Variants in ADGRL4 observed in about 807,000 individuals in gnomAD.
ADGRL4 encodes the protein EGF, latrophilin and seven transmembrane domain containing 1.
In ADGRL4, 90 loss-of-function variants were observed where a neutral mutation model predicts 74.8. The ratio of observed to expected loss-of-function variants is 1.20; its 90% CI spans 1.02 to 1.43. The LOEUF (loss-of-function observed/expected upper bound fraction) is 1.43. ADGRL4 is among the 40% of genes most tolerant of loss of function. The pLI is 0.00. For synonymous variants in ADGRL4, 311 were observed against 279.2 expected, an observed-to-expected ratio of 1.11 and a Z score of -1.14; for missense variants, 881 against 814.3, an observed-to-expected ratio of 1.08 and a Z score of -1.00.
intron 2 of ADGRL4, among the ~76,000 whole-genome samples, chr1:78,964,523 T>A (rs1033096077): frequency 1.3e-5 from 2 of 152,212 alleles, no homozygotes; most frequent in African/African-American, 4.8e-5. Context: ...GTTCCTACTA[T>A]CTACTTAAAA....
intron 3 of ADGRL4, 101 bp downstream of exon 3, chr1:78,946,173 C>T (rs572715866): frequency 1.2e-4 from 95 of 810,454 alleles, no homozygotes; most frequent in South Asian, 7.1e-4. Context: ...ACGTAGGGTA[C>T]GATCAAGGTC....
chr1:78,946,168 G>A, intron 3 of ADGRL4, 106 bp downstream of exon 3: 1 of 713,922 alleles, frequency 1.4e-6, no homozygotes, highest in Non-Finnish European at 2.1e-6. Flanking sequence ...TTAACACGTA[G>A]GGTACGATCA....
At chr1:78,981,209 A>G (rs527930067) in intron 2 of ADGRL4, among the ~76,000 whole-genome samples, 10 of 152,094 alleles carry the variant, frequency 6.6e-5, no homozygotes, top group African/African-American at 2.2e-4. Context: ...GAGACAGAAG[A>G]AAAATATCAA....
At chr1:78,912,605 C>T (rs1289442511) in intron 12 of ADGRL4, among the ~76,000 whole-genome samples, 1 of 151,702 alleles carries the variant, frequency 6.6e-6, no homozygotes. Flanking sequence ...GTCCCTGGTG[C>T]CAAAAAGTTG....
intron 2 of ADGRL4, among the ~76,000 whole-genome samples, chr1:78,957,036 G>A (rs992236729): frequency 7.2e-5 from 11 of 152,092 alleles, no homozygotes; most frequent in Admixed American, 6.6e-5. Flanking sequence ...ATTGCAATAT[G>A]TGATTAGTGT....
In ADGRL4 at chr1:78,891,518, G is replaced by A. The variant is rs762885058; in HGVS notation, c.2010+6C>T. ...CTAGGAACCACCAAAATAAGAAATT[G>A]TTTACCTTTCTAGATAAAACACACA... On this transcript the variant is annotated splice_donor_region_variant and intron_variant, in intron 14 of 14. Transcript: ENST00000370742. 2 of 1,609,024 alleles carry A rather than the reference G, an allele frequency of 1.2e-6. No individual in the cohort carries two copies. The highest frequency in any genetic ancestry group is 1.7e-6 in the Non-Finnish European group (2 of 1,178,260).
rs943244747 is a variant in ADGRL4, at chr1:78,890,430, A to G, written c.*724T>C. ...TGAAATAAGTAAGGAAATAGTATATATCTCAGTCTAACCTTAGAAACAGAT... is the reference window on the plus strand; with the variant it reads ...TGAAATAAGTAAGGAAATAGTATATGTCTCAGTCTAACCTTAGAAACAGAT... On this transcript the variant is annotated 3_prime_UTR_variant, in exon 15 of 15. Coordinates refer to ENST00000370742, the MANE Select transcript of ADGRL4 (RefSeq NM_022159.4). 1 of 151,694 alleles carries G rather than the reference A, an allele frequency of 6.6e-6. No homozygotes were observed. The highest frequency in any genetic ancestry group is 2.4e-5 in the African/African-American group (1 of 41,348). 9.4% of individuals were successfully genotyped at this position (151,694 alleles called of 1,614,324 possible). A position where few individuals can be genotyped will look rare whatever the true frequency, so the allele number is the denominator to read the frequency against.
intron 2 of ADGRL4, among the ~76,000 whole-genome samples, chr1:78,987,324 A>C (rs1371304949): frequency 2.6e-5 from 4 of 151,848 alleles, no homozygotes. Flanking sequence ...CATATAGGTA[A>C]AAATGGTAAC....
intron 13 of ADGRL4, 144 bp downstream of exon 13, chr1:78,892,954 G>A (rs961940937): frequency 1.7e-6 from 1 of 579,862 alleles, no homozygotes; most frequent in Non-Finnish European, 2.9e-6. Context: ...CATACTAAAT[G>A]CTATTTTCCG....
intron 2 of ADGRL4, among the ~76,000 whole-genome samples, chr1:78,984,022 G>C (rs1224935690): frequency 2.6e-5 from 4 of 151,618 alleles, no homozygotes; most frequent in African/African-American, 9.7e-5. Context: ...TAAACATGAA[G>C]GAATGACAAG....
intron 4 of ADGRL4, among the ~76,000 whole-genome samples, chr1:78,938,770 C>G (rs1161862935): frequency 6.6e-6 from 1 of 152,038 alleles, no homozygotes; most frequent in Non-Finnish European, 1.5e-5. Flanking sequence ...CATTTTCAAT[C>G]ATACGACAAT....
At chr1:78,974,448 A>T (rs777296684) in intron 2 of ADGRL4, among the ~76,000 whole-genome samples, 2 of 152,226 alleles carry the variant, frequency 1.3e-5, no homozygotes, top group Non-Finnish European at 2.9e-5. Flanking sequence ...ATGGAAATGT[A>T]CACAAATGAC....
At chr1:78,898,511 AT>A (rs553905904) in intron 12 of ADGRL4, among the ~76,000 whole-genome samples, 17,955 of 144,456 alleles carry the variant, frequency 0.12, 1,143 homozygotes, top group Middle Eastern at 0.17. Flanking sequence ...CTTTTGTCTC[AT>A]TTTTTTTTTT....
At chr1:78,994,394 A>G (rs1374899661) in intron 2 of ADGRL4, among the ~76,000 whole-genome samples, 1 of 152,156 alleles carries the variant, frequency 6.6e-6, no homozygotes, top group Non-Finnish European at 1.5e-5. Flanking sequence ...CAATAAATTC[A>G]GCATAGGTAA....
intron 2 of ADGRL4, among the ~76,000 whole-genome samples, chr1:78,971,282 T>A (rs1374365056): frequency 2.0e-5 from 3 of 152,162 alleles, no homozygotes; most frequent in African/African-American, 4.8e-5. Context: ...ACTTCTTTTT[T>A]TTATTATTAT....
chr1:78,967,650 G>A (rs1405489897), intron 2 of ADGRL4, among the ~76,000 whole-genome samples: 1 of 152,080 alleles, frequency 6.6e-6, no homozygotes, highest in East Asian at 1.9e-4. Flanking sequence ...TTGTGGAAGA[G>A]GTTCTCTGTG....
At chr1:78,909,046 T>C (rs914762947) in intron 12 of ADGRL4, among the ~76,000 whole-genome samples, 7 of 151,934 alleles carry the variant, frequency 4.6e-5, no homozygotes, top group Non-Finnish European at 8.8e-5. Context: ...TGGAAAAATG[T>C]TACAGGCACT....
At position 78,937,881 on chromosome 1, in the gene ADGRL4, ACAGTGTG is replaced by A. The variant is rs1649388291; in HGVS notation, c.679_685del (p.His227LeufsTer6). On this transcript the variant is annotated frameshift_variant, in exon 6 of 15. Transcript: ENST00000370742. LOFTEE classifies it high-confidence loss of function. Reference sequence around the variant, plus strand: ...GGATATCCTTAAAGTAGCTTGTTCAACAGTGTGCATGAGTTTTGTAAGATGTGTTCTC... The same window carrying A: ...GGATATCCTTAAAGTAGCTTGTTCAACATGAGTTTTGTAAGATGTGTTCTC... 2.5e-6 allele frequency: 4 copies of A among 1,614,042 alleles called. No homozygotes were observed. The highest frequency in any genetic ancestry group is 3.4e-6 in the Non-Finnish European group (4 of 1,179,946).
At chr1:78,892,278 CTTAAAAA>C (rs1648296848) in intron 13 of ADGRL4, among the ~76,000 whole-genome samples, 2 of 152,236 alleles carry the variant, frequency 1.3e-5, no homozygotes, top group Admixed American at 1.3e-4. Context: ...ATACTGTTTT[CTTAAAAA>C]TTAAAGAAAA....
Sources: gnomAD v4.1 joint callset for allele counts (sites outside exome capture counted in the v4.1 genomes callset) on GRCh38, gnomAD v4.1.1 for gene constraint, MANE v1.5 for transcripts, NCBI Gene and HGNC (gene_info 2026-07-23, HGNC 2026-07-21) for gene names.